Variants in GNG7 observed in about 807,000 individuals in gnomAD.
The protein encoded by GNG7 is G protein subunit gamma 7.
A neutral mutation model predicts 4.0 loss-of-function variants in GNG7; 1 was observed. The ratio of observed to expected loss-of-function variants is 0.25; its 90% CI spans 0.09 to 1.18. The LOEUF is 1.18. GNG7 is among the 50% of genes most tolerant of loss of function. GNG7 has a pLI of 0.50. For missense variants in GNG7, 86 were observed against 91.9 expected, an observed-to-expected ratio of 0.94 and a Z score of 0.26; for synonymous variants, 34 against 36.9, an observed-to-expected ratio of 0.92 and a Z score of 0.29.
In GNG7 at chr19:2,514,767, G is replaced by A; in HGVS notation, c.*255C>T. On this transcript the variant is annotated 3_prime_UTR_variant, in exon 5 of 5. Coordinates refer to ENST00000382159, the MANE Select transcript of GNG7 (RefSeq NM_052847.3). The stretch of plus-strand genomic sequence containing the variant: ...GGCCGTAAAGCCTCCATCCCTTTTG[G>A]CCCAAACTGAGAGGGCCATGGGGTC... 1 of 331,820 alleles carries A rather than the reference G, an allele frequency of 3.0e-6. No individual in the cohort carries two copies. The highest frequency in any genetic ancestry group is 5.6e-6 in the Non-Finnish European group (1 of 177,672). 20.6% of individuals were successfully genotyped at this position (331,820 alleles called of 1,614,324 possible).
At chr19:2,638,302 C>T (rs984095209) in intron 2 of GNG7, among the ~76,000 whole-genome samples, 2 of 148,670 alleles carry the variant, frequency 1.3e-5, no homozygotes, top group African/African-American at 2.5e-5. Flanking sequence ...GCAGAGGTTG[C>T]AGTGAGCTGA....
intron 1 of GNG7, among the ~76,000 whole-genome samples, chr19:2,647,624 G>A (rs1982699658): frequency 6.6e-6 from 1 of 152,138 alleles, no homozygotes; most frequent in Non-Finnish European, 1.5e-5. Flanking sequence ...AGGCTGAGAT[G>A]GGAGGATCGC....
chr19:2,689,622 C>CA (rs58020172), intron 1 of GNG7, among the ~76,000 whole-genome samples: 2,132 of 37,884 alleles, frequency 0.056, 340 homozygotes, highest in African/African-American at 0.12. Context: ...GACTCCAACT[C>CA]AAAAAAAAAA....
Position 2,630,408 on chromosome 19 carries a change from C to T in GNG7, c.-78+15816G>A, listed in dbSNP as rs775693505. On this transcript the variant is annotated intron_variant, in intron 2 of 4. Transcript: ENST00000382159. ...GTAAATAAGGTCCTAAATCAGTTGA[C>T]CTTGAGTTCACTGAAAGGGCGATTA... Among the ~76,000 whole-genome samples, 126 of 152,090 alleles carry T rather than the reference C, an allele frequency of 8.3e-4. 4 individuals are homozygous for T. The highest frequency in any genetic ancestry group is 2.4e-4 in the Non-Finnish European group (16 of 68,022).
chr19:2,547,083 C>A (rs1055231869), intron 3 of GNG7, among the ~76,000 whole-genome samples: 1 of 151,576 alleles, frequency 6.6e-6, no homozygotes, highest in Non-Finnish European at 1.5e-5. Flanking sequence ...TGCCCCCCCC[C>A]CAGAAAACTC....
chr19:2,526,009 C>T (rs1018578368), intron 3 of GNG7, among the ~76,000 whole-genome samples: 2 of 88,078 alleles, frequency 2.3e-5, no homozygotes, highest in Non-Finnish European at 4.3e-5. Context: ...CTGGCTCTGT[C>T]TCCGAGGCTG....
intron 1 of GNG7, among the ~76,000 whole-genome samples, chr19:2,673,855 C>G (rs1018820896): frequency 1.3e-5 from 2 of 151,876 alleles, no homozygotes; most frequent in Non-Finnish European, 2.9e-5. Context: ...TTTAAACATA[C>G]AATTGTGTAT....
At chr19:2,680,552 A>G (rs1983705207) in intron 1 of GNG7, among the ~76,000 whole-genome samples, 1 of 151,088 alleles carries the variant, frequency 6.6e-6, no homozygotes, top group Non-Finnish European at 1.5e-5. Flanking sequence ...AGTAAAATAC[A>G]CTTAACACAA....
intron 1 of GNG7, among the ~76,000 whole-genome samples, chr19:2,655,919 G>A (rs1174250653): frequency 6.7e-6 from 1 of 149,632 alleles, no homozygotes. Flanking sequence ...TCAGCTGCTT[G>A]GAGACTGAGG....
chr19:2,519,354 C>T (rs1978296615), intron 4 of GNG7, among the ~76,000 whole-genome samples: 1 of 151,500 alleles, frequency 6.6e-6, no homozygotes. Context: ...CGGGGTTTCA[C>T]CATGTTGGCC....
At chr19:2,680,351 T>A (rs1599458833) in intron 1 of GNG7, among the ~76,000 whole-genome samples, 2 of 152,060 alleles carry the variant, frequency 1.3e-5, no homozygotes, top group South Asian at 4.2e-4. Flanking sequence ...GGTTTCACCA[T>A]CTTGGCCAGG....
At chr19:2,664,715 G>A (rs1401584414) in intron 1 of GNG7, among the ~76,000 whole-genome samples, 1 of 151,366 alleles carries the variant, frequency 6.6e-6, no homozygotes, top group Non-Finnish European at 1.5e-5. Flanking sequence ...GGTGTCTACT[G>A]TGAGCAGGGA....
intron 2 of GNG7, among the ~76,000 whole-genome samples, chr19:2,588,806 G>GT (rs1980754052): frequency 6.6e-6 from 1 of 152,064 alleles, no homozygotes; most frequent in African/African-American, 2.4e-5. Context: ...ATCTTTCTGG[G>GT]GAAACTGGCT....
intron 4 of GNG7, among the ~76,000 whole-genome samples, chr19:2,517,519 C>T (rs1972752420): frequency 6.6e-6 from 1 of 152,108 alleles, no homozygotes; most frequent in Non-Finnish European, 1.5e-5. Context: ...CGCACGCCAC[C>T]ACGCCAGGGT....
At chr19:2,584,500 G>C (rs1599405079) in intron 2 of GNG7, among the ~76,000 whole-genome samples, 1 of 150,840 alleles carries the variant, frequency 6.6e-6, no homozygotes, top group African/African-American at 2.4e-5. Context: ...GGGAGGCTGA[G>C]GAGGGAGGAT....
rs1442184563 is a variant in GNG7, at chr19:2,614,105, G to GC, written c.-78+32118dup. 6.6e-6 allele frequency among the ~76,000 whole-genome samples: 1 copy of GC among 152,216 alleles called. No individual in the cohort carries two copies. The highest frequency in any genetic ancestry group is 2.4e-5 in the African/African-American group (1 of 41,462). ...GGTGGGTCCGTTGCAGGCGTCTGTT[G>GC]CGAGACCACATCCTCACCACCCGGT... is the stretch of plus-strand genomic sequence containing the variant. On this transcript the variant is annotated intron_variant, in intron 2 of 4. Transcript: ENST00000382159. The surrounding 1 kb of genome is among the most constrained non-coding windows in gnomAD (Gnocchi z 6.0).
At chr19:2,528,135 G>C (rs1599374187) in intron 3 of GNG7, among the ~76,000 whole-genome samples, 1 of 152,078 alleles carries the variant, frequency 6.6e-6, no homozygotes, top group African/African-American at 2.4e-5. Flanking sequence ...GCCAGGCATG[G>C]TAGTGCGTGC....
intron 3 of GNG7, among the ~76,000 whole-genome samples, chr19:2,523,598 T>C (rs1417042521): frequency 6.6e-6 from 1 of 152,078 alleles, no homozygotes; most frequent in African/African-American, 2.4e-5. Flanking sequence ...CAAGCCTACA[T>C]GAGTGATAAA....
chr19:2,528,667 G>A (rs1427316811), intron 3 of GNG7, among the ~76,000 whole-genome samples: 1 of 152,236 alleles, frequency 6.6e-6, no homozygotes, highest in Non-Finnish European at 1.5e-5. Context: ...CTCCCACAGA[G>A]GAGGGAACTC....
Sources: allele counts gnomAD v4.1 joint callset (sites outside exome capture counted in the v4.1 genomes callset), GRCh38; gene constraint gnomAD v4.1.1; non-coding constraint Gnocchi (gnomAD v3.1); transcripts MANE v1.5; gene names NCBI Gene and HGNC (gene_info 2026-07-23, HGNC 2026-07-21).